The following ZNF829 variants were observed in gnomAD, a reference collection of about 807,000 sequenced individuals.
ZNF829 encodes the protein zinc finger protein 829.
ZNF829 carries 25 observed loss-of-function variants against 35.2 expected under a neutral mutation model. That is an observed-to-expected ratio of 0.71 (90% CI 0.52 to 0.99). ZNF829 has a LOEUF of 0.99. Among genes scored for constraint, ZNF829 ranks in the 50% least tolerant of loss-of-function variants. The pLI is 0.00. For synonymous variants in ZNF829, 136 were observed against 163.2 expected, an observed-to-expected ratio of 0.83 and a Z score of 1.27; for missense variants, 417 against 515.3, an observed-to-expected ratio of 0.81 and a Z score of 1.85.
At chr19:36,894,345 T>A (rs1404597374) in intron 5 of ZNF829, among the ~76,000 whole-genome samples, 3 of 151,990 alleles carry the variant, frequency 2.0e-5, no homozygotes, top group African/African-American at 7.3e-5. Context: ...AAAATGACCA[T>A]AACAAGAAAT....
At chr19:36,894,199 C>T in intron 5 of ZNF829, among the ~76,000 whole-genome samples, 1 of 152,198 alleles carries the variant, frequency 6.6e-6, no homozygotes, top group East Asian at 1.9e-4. Flanking sequence ...ACACTGATTG[C>T]AGCCAGAGAA....
Position 36,891,739 on chromosome 19 carries a change from A to C in ZNF829, c.1052T>G (p.Leu351Arg), listed in dbSNP as rs2073055350. Residue 351 changes from leucine to arginine, a missense_variant, in exon 6 of 6, where the codon CTC (leucine) becomes CGC (arginine). Coordinates refer to ENST00000391711, the MANE Select transcript of ZNF829 (RefSeq NM_001037232.4). ...CTTTCTACATTCTTCACATTCATAG[A>C]GCTTCTCACCAGCATGAATTCTGTG... ...NHHRIHAGEK[L>R]YECEECRKAF... 6.2e-7 allele frequency: 1 copy of C among 1,614,044 alleles called. No homozygotes were observed. Among genetic ancestry groups the C allele is most frequent in the African/African-American group, 1.3e-5 (1 of 75,016 alleles).
At chr19:36,906,573 G>C (rs987381735) in intron 5 of ZNF829, 1 of 152,038 alleles carries the variant, frequency 6.6e-6, no homozygotes, top group Admixed American at 6.6e-5. Flanking sequence ...TGGAAAATTG[G>C]TATATTTACT....
chr19:36,907,548 A>G (rs2073228774), intron 5 of ZNF829: 1 of 172,886 alleles, frequency 5.8e-6, no homozygotes, highest in Admixed American at 6.4e-5. Context: ...AAATGAAAGA[A>G]TGAGCTTTTA....
At chr19:36,903,359 A>C (rs1451802487) in intron 5 of ZNF829, among the ~76,000 whole-genome samples, 1 of 152,148 alleles carries the variant, frequency 6.6e-6, no homozygotes, top group Non-Finnish European at 1.5e-5. Context: ...GGGTAATTTT[A>C]GTTATAGTAT....
intron 5 of ZNF829, among the ~76,000 whole-genome samples, chr19:36,899,074 T>C (rs971700829): frequency 2.0e-5 from 3 of 152,140 alleles, no homozygotes; most frequent in African/African-American, 7.2e-5. Flanking sequence ...AAGAGACCTG[T>C]AGAATGGGAG....
At chr19:36,895,937 C>T (rs369361147) in intron 5 of ZNF829, among the ~76,000 whole-genome samples, 11 of 152,182 alleles carry the variant, frequency 7.2e-5, no homozygotes, top group South Asian at 4.1e-4. Context: ...GAGGCCAAGG[C>T]GGGAGGATCA....
At chr19:36,909,313 T>G (rs1054270667) in intron 3 of ZNF829, among the ~76,000 whole-genome samples, 1 of 151,976 alleles carries the variant, frequency 6.6e-6, no homozygotes. Flanking sequence ...CTGACAGCAA[T>G]GTTAGAGAAT....
intron 5 of ZNF829, among the ~76,000 whole-genome samples, chr19:36,899,255 C>T (rs1245249249): frequency 2.0e-5 from 3 of 149,730 alleles, no homozygotes; most frequent in Non-Finnish European, 2.9e-5. Flanking sequence ...GCCTGGGGAA[C>T]ATAGGGAGAC....
chr19:36,900,847 G>GAA lies in ZNF829; in HGVS notation c.319+7080_319+7081dup, dbSNP rs59848712. On this transcript the variant is annotated intron_variant, in intron 5 of 5. Coordinates refer to ENST00000391711, the MANE Select transcript of ZNF829 (RefSeq NM_001037232.4). Reference sequence around the variant, plus strand: ...TGGGCAACAGAGCGAGACTGTCTCAGAAAAAAAAAAAAAAAAAAAAGATAA... The same window carrying GAA: ...TGGGCAACAGAGCGAGACTGTCTCAGAAAAAAAAAAAAAAAAAAAAAAGATAA... 2.8e-3 allele frequency among the ~76,000 whole-genome samples: 252 copies of GAA among 88,898 alleles called. 5 individuals carry two copies. The highest frequency in any genetic ancestry group is 7.1e-3 in the African/African-American group (158 of 22,188). 58.3% of individuals were successfully genotyped at this position (88,898 alleles called of 152,430 possible).
At chr19:36,901,788 C>T in intron 5 of ZNF829, 2 of 599,228 alleles carry the variant, frequency 3.3e-6, no homozygotes, top group South Asian at 1.9e-5. Context: ...GGCCGTTCTG[C>T]CATCCACAAG....
intron 5 of ZNF829, chr19:36,893,179 T>C (rs924089200): frequency 3.8e-5 from 15 of 393,008 alleles, no homozygotes; most frequent in Non-Finnish European, 6.7e-5. Context: ...TACTGGCAAA[T>C]CACCAGCCTC....
chr19:36,915,123 T>C lies in ZNF829; in HGVS notation c.38+7A>G. On this transcript the variant is annotated splice_region_variant and intron_variant, in intron 2 of 5. Coordinates refer to ENST00000391711, the MANE Select transcript of ZNF829 (RefSeq NM_001037232.4). The stretch of plus-strand genomic sequence containing the variant: ...AGTAAGAGTTCTTCCCCAGCCCCAT[T>C]ACCCACCACACATGAGGAATGGAGA... 1 of 1,614,036 alleles carries C rather than the reference T, an allele frequency of 6.2e-7. No individual in the cohort carries two copies. Among genetic ancestry groups the C allele is most frequent in the Non-Finnish European group, 8.5e-7 (1 of 1,179,998 alleles).
intron 5 of ZNF829, among the ~76,000 whole-genome samples, chr19:36,896,809 T>C (rs1261482879): frequency 6.6e-6 from 1 of 152,132 alleles, no homozygotes; most frequent in Non-Finnish European, 1.5e-5. Flanking sequence ...TAGAAATCAA[T>C]AACAAAAACT....
At position 36,898,091 on chromosome 19, in the gene ZNF829, A is replaced by G. The variant is rs2073129076; in HGVS notation, c.320-5620T>C. Among the ~76,000 whole-genome samples, 3 of 152,054 alleles carry G rather than the reference A, an allele frequency of 2.0e-5. No homozygotes were observed. In the South Asian group the frequency reaches 6.2e-4, roughly 32 times the overall value. On this transcript the variant is annotated intron_variant, in intron 5 of 5. Coordinates refer to ENST00000391711, the MANE Select transcript of ZNF829 (RefSeq NM_001037232.4). ...GGCTGAGGCAGAACTGCTTGAACCC[A>G]GGAGGTGGAAGCTGCAGAGAGCTGA...
intron 3 of ZNF829, among the ~76,000 whole-genome samples, chr19:36,914,397 G>T (rs1201919971): frequency 2.6e-5 from 4 of 152,066 alleles, no homozygotes; most frequent in Admixed American, 1.3e-4. Flanking sequence ...AATGAGTAAA[G>T]ATTTGAACTG....
At chr19:36,893,824 G>T (rs750773597) in intron 5 of ZNF829, among the ~76,000 whole-genome samples, 2 of 152,066 alleles carry the variant, frequency 1.3e-5, no homozygotes, top group African/African-American at 2.4e-5. Flanking sequence ...ATCTCCTAAT[G>T]GTTTCCCCAG....
intron 5 of ZNF829, chr19:36,892,798 T>A (rs994301436): frequency 3.3e-6 from 2 of 605,488 alleles, no homozygotes; most frequent in Non-Finnish European, 4.9e-6. Flanking sequence ...AAAAAAAAAT[T>A]TTTTTTGCCC....
At position 36,899,270 on chromosome 19, in the gene ZNF829, C is replaced by CT. The variant is rs199856727; in HGVS notation, c.320-6800_320-6799insA. Among the ~76,000 whole-genome samples the CT allele has an allele frequency of 4.4e-3, 669 of 151,964 alleles. 7 individuals are homozygous for CT. The highest frequency in any genetic ancestry group is 4.7e-3 in the Non-Finnish European group (321 of 67,978). Reference sequence around the variant, plus strand: ...GCCTGGGGAACATAGGGAGACCCCCCCCGATCTCTATAAACAGTTTTAAAA... The same window carrying CT: ...GCCTGGGGAACATAGGGAGACCCCCCTCCGATCTCTATAAACAGTTTTAAAA... On this transcript the variant is annotated intron_variant, in intron 5 of 5. Transcript: ENST00000391711.
Sources: allele counts gnomAD v4.1 joint callset (sites outside exome capture counted in the v4.1 genomes callset), GRCh38; gene constraint gnomAD v4.1.1; transcripts MANE v1.5; gene names NCBI Gene and HGNC (gene_info 2026-07-23, HGNC 2026-07-21).